The following ENG variants were observed in gnomAD, a reference collection of about 807,000 sequenced individuals.
The protein encoded by ENG is CD105 antigen.
ENG carries 17 observed loss-of-function variants against 71.0 expected under a neutral mutation model. That is an observed-to-expected ratio of 0.24 (90% confidence interval 0.16 to 0.36). ENG has a LOEUF of 0.36. ENG is among the 10% of genes least tolerant of loss of function. The pLI, the probability that ENG is intolerant of heterozygous loss-of-function variation, is 1.00. For missense variants in ENG, 749 were observed against 868.3 expected, an observed-to-expected ratio of 0.86 and a Z score of 1.73; for synonymous variants, 360 against 366.9, an observed-to-expected ratio of 0.98 and a Z score of 0.21.
At chr9:127,842,942 G>T in intron 2 of ENG, 152 bp downstream of exon 2, 1 of 1,271,968 alleles carries the variant, frequency 7.9e-7, no homozygotes, top group Non-Finnish European at 1.1e-6. Flanking sequence ...CCTCTTATGG[G>T]CCCTGTGAGA....
intron 3 of ENG, among the ~76,000 whole-genome samples, chr9:127,828,851 C>T (rs1564457518): frequency 6.6e-6 from 1 of 152,126 alleles, no homozygotes; most frequent in Non-Finnish European, 1.5e-5. Flanking sequence ...TTCTATGCCT[C>T]TCTCCCCTTT....
At chr9:127,828,846 T>C (rs1055917533) in intron 3 of ENG, among the ~76,000 whole-genome samples, 6 of 152,138 alleles carry the variant, frequency 3.9e-5, no homozygotes, top group Non-Finnish European at 7.4e-5. Flanking sequence ...TTTCTTTCTA[T>C]GCCTCTCTCC....
At chr9:127,833,207 G>C (rs1031836177) in intron 2 of ENG, among the ~76,000 whole-genome samples, 2 of 152,196 alleles carry the variant, frequency 1.3e-5, no homozygotes, top group Non-Finnish European at 2.9e-5. Context: ...CTAGTGGCAT[G>C]TGAACAGGTG....
In ENG at chr9:127,831,450, C is replaced by T. The variant is rs1037694886; in HGVS notation, c.220-1623G>A. Among the ~76,000 whole-genome samples, 17 of 142,188 alleles carry T rather than the reference C, an allele frequency of 1.2e-4. 1 individual carries two copies. Among genetic ancestry groups the T allele is most frequent in the South Asian group, 6.9e-4 (3 of 4,344 alleles). 93.3% of individuals were successfully genotyped at this position (142,188 alleles called of 152,430 possible). A position where few individuals can be genotyped will look rare whatever the true frequency, so the allele number is the denominator to read the frequency against. On this transcript the variant is annotated intron_variant, in intron 2 of 14. Coordinates refer to ENST00000373203, the MANE Select transcript of ENG (RefSeq NM_001114753.3). ...TCGCCCAAGCTGGAGTGCAATGGGG[C>T]GATCTTGGCTCACTGCAACCTTCGC...
At chr9:127,817,951 G>T in intron 12 of ENG, 169 bp downstream of exon 12, 1 of 1,027,528 alleles carries the variant, frequency 9.7e-7, no homozygotes, top group Non-Finnish European at 1.4e-6. Flanking sequence ...GAAAGCTCTC[G>T]GGTGGCAGAA....
intron 1 of ENG, among the ~76,000 whole-genome samples, chr9:127,853,095 C>A (rs1405732366): frequency 6.6e-6 from 1 of 152,094 alleles, no homozygotes; most frequent in Non-Finnish European, 1.5e-5. Flanking sequence ...TAAGAGGGTT[C>A]GCCCTATCAC....
At chr9:127,824,512 CTTTTT>C (rs71380096) in intron 7 of ENG, 66 bp from the exon 8 acceptor site, 1,571 of 683,162 alleles carry the variant, frequency 2.3e-3, no homozygotes, top group Middle Eastern at 3.9e-3. Flanking sequence ...CCGCACCAGG[CTTTTT>C]TTTTTTTTTT....
In ENG at chr9:127,851,003, C is replaced by T. The variant is rs116472935; in HGVS notation, c.67+3286G>A. On this transcript the variant is annotated intron_variant, in intron 1 of 14. Transcript: ENST00000373203. ...GGAGACCTGGTTCGAAAGAAATAGA[C>T]AAAAGACTCCCAAAATGTGGACCCA... Among the ~76,000 whole-genome samples, 1,082 of 152,068 alleles carry T rather than the reference C, an allele frequency of 7.1e-3. 10 individuals are homozygous for T. Among genetic ancestry groups the T allele is most frequent in the African/African-American group, 0.025 (1,037 of 41,466 alleles).
At chr9:127,816,888 C>T (rs1564451827) in intron 13 of ENG, 1 of 566,746 alleles carries the variant, frequency 1.8e-6, no homozygotes, top group Admixed American at 3.0e-5. Context: ...GGAGTGGAGC[C>T]GTGAGTGGGG....
chr9:127,850,897 A>G (rs1831267956), intron 1 of ENG, among the ~76,000 whole-genome samples: 3 of 152,250 alleles, frequency 2.0e-5, no homozygotes. Context: ...AATATTTAAC[A>G]ATAAGCAAAC....
At chr9:127,828,019 CAAAAAAAAAA>C (rs997493323) in intron 3 of ENG, among the ~76,000 whole-genome samples, 1 of 31,208 alleles carries the variant, frequency 3.2e-5, no homozygotes, top group Non-Finnish European at 6.1e-5. Context: ...AACTCCATCT[CAAAAAAAAAA>C]AAAAAAAAAA....
rs1830723046 is a variant in ENG at position 127,829,928 on chromosome 9, C to T, written c.220-101G>A. 6 of 1,541,582 alleles carry T rather than the reference C, an allele frequency of 3.9e-6. No individual in the cohort carries two copies. The South Asian group carries it at 6.8e-5, about 17-fold the overall frequency. ...GATTTGGATGCTTCCACTCCACTCT[C>T]CCTGCCTGCTCTGTCCACCCTCACC... On this transcript the variant is annotated intron_variant, in intron 2 of 14. Coordinates refer to ENST00000373203, the MANE Select transcript of ENG (RefSeq NM_001114753.3).
intron 1 of ENG, among the ~76,000 whole-genome samples, chr9:127,852,492 C>T (rs1829051889): frequency 6.6e-6 from 1 of 152,212 alleles, no homozygotes; most frequent in Middle Eastern, 3.2e-3. Context: ...GCCTGTGACT[C>T]CTGGTGCACT....
rs763087751 is a variant in ENG at position 127,825,757 on chromosome 9, C to T, written c.627G>A (p.Leu209=). Residue 209 remains leucine (L), a synonymous_variant, in exon 5 of 15, where the codon TTG becomes TTA. Transcript: ENST00000373203. ...CCTCCTTGTGGCCGGCCACGCCTTC[C>T]AAGTGGCAGCCCCGGACCAAGGCTG... ...RTPALVRGCH[L]EGVAGHKEAH... is the part of the protein sequence containing the mutation. 1 of 1,600,274 alleles carries T rather than the reference C, an allele frequency of 6.2e-7. No individual in the cohort carries two copies. Among genetic ancestry groups the T allele is most frequent in the Non-Finnish European group, 8.5e-7 (1 of 1,175,144 alleles).
At chr9:127,844,963 C>T (rs903747450) in intron 1 of ENG, among the ~76,000 whole-genome samples, 2 of 152,108 alleles carry the variant, frequency 1.3e-5, no homozygotes, top group Non-Finnish European at 2.9e-5. Context: ...CCGCAGAGCC[C>T]GGAAACACAG....
In ENG at chr9:127,846,811, C is replaced by T. The variant is rs150714092; in HGVS notation, c.68-3566G>A. On this transcript the variant is annotated intron_variant, in intron 1 of 14. Coordinates refer to ENST00000373203, the MANE Select transcript of ENG (RefSeq NM_001114753.3). The surrounding 1 kb of genome is among the most constrained non-coding windows in gnomAD (Gnocchi z 5.5). Reference sequence around the variant, plus strand: ...CCCGGGACTGGGTCAGAGGAGGAGCCGCTGGGGGCCTGGGTGACTGGAACC... The same window carrying T: ...CCCGGGACTGGGTCAGAGGAGGAGCTGCTGGGGGCCTGGGTGACTGGAACC... 1.5e-4 allele frequency: 148 copies of T among 955,722 alleles called. No individual in the cohort carries two copies. In the African/African-American group the frequency reaches 2.0e-3, roughly 13 times the overall value. The allele number at this position is 955,722 out of a possible 1,614,324, so 59.2% of individuals were successfully genotyped here.
At chr9:127,850,953 G>A (rs1278968379) in intron 1 of ENG, among the ~76,000 whole-genome samples, 1 of 152,144 alleles carries the variant, frequency 6.6e-6, no homozygotes, top group Non-Finnish European at 1.5e-5. Context: ...GCAAGAGGAT[G>A]GTCATGGAGT....
chr9:127,819,842 G>A (rs373928450), intron 9 of ENG, 58 bp downstream of exon 9: 2 of 1,613,592 alleles, frequency 1.2e-6, no homozygotes. Context: ...ATCAGGGAGG[G>A]CACCTGAGGG....
rs373296026 is a variant in ENG, at chr9:127,815,808, TGGGAGCGGGAGC to T, written c.1853-14_1853-3del. 28 of 1,546,922 alleles carry T rather than the reference TGGGAGCGGGAGC, an allele frequency of 1.8e-5. No individual in the cohort carries two copies. The highest frequency in any genetic ancestry group is 2.4e-5 in the Non-Finnish European group (27 of 1,146,620). On this transcript the variant is annotated splice_polypyrimidine_tract_variant and splice_region_variant and intron_variant, in intron 14 of 14. Transcript: ENST00000373203. ...CGGGCTCCCGCTTGCTGGGGGAACC[TGGGAGCGGGAGC>T]GGGGGCAGGGGCGGAGGTCAGGGTC... is the stretch of plus-strand genomic sequence containing the variant.
Sources: gnomAD v4.1 joint callset for allele counts (sites outside exome capture counted in the v4.1 genomes callset) on GRCh38, gnomAD v4.1.1 for gene constraint, Gnocchi (gnomAD v3.1) non-coding constraint, MANE v1.5 for transcripts, NCBI Gene and HGNC (gene_info 2026-07-23, HGNC 2026-07-21) for gene names.